The following CNGB3 variants were observed in gnomAD, a reference collection of about 807,000 sequenced individuals.
The protein encoded by CNGB3 is cyclic nucleotide gated channel subunit beta 3.
CNGB3 carries 86 observed loss-of-function variants against 92.8 expected under a neutral mutation model. The observed-to-expected ratio is 0.93, with a 90% CI of 0.78 to 1.11. CNGB3 has a LOEUF of 1.11. CNGB3 is among the 50% of genes least tolerant of loss of function. The probability of loss-of-function intolerance (pLI) is 0.00; values close to 1 mark genes in which losing one functional copy is unlikely to be tolerated. For missense variants in CNGB3, 1,026 were observed against 956.8 expected (o/e 1.07, Z -0.95); for synonymous variants, 333 against 332.7 (o/e 1.00, Z -0.01).
chr8:86,718,298 A>G (rs1824902439), intron 3 of CNGB3, among the ~76,000 whole-genome samples: 1 of 152,196 alleles, frequency 6.6e-6, no homozygotes, highest in African/African-American at 2.4e-5. Context: ...AGACAAGAGA[A>G]GATTCAAACA....
At chr8:86,644,811 C>A in intron 8 of CNGB3, 125 bp from the exon 9 acceptor site, 1 of 649,018 alleles carries the variant, frequency 1.5e-6, no homozygotes, top group Non-Finnish European at 2.1e-6. Flanking sequence ...TTAAAAAAAC[C>A]AAGATCCTGT....
intron 3 of CNGB3, among the ~76,000 whole-genome samples, chr8:86,674,377 A>G (rs1215768770): frequency 1.3e-5 from 2 of 152,208 alleles, no homozygotes; most frequent in Non-Finnish European, 2.9e-5. Context: ...TTTAACTACT[A>G]TGCATTTTTG....
Position 86,660,459 on chromosome 8 carries a change from T to C in CNGB3, c.853-6397A>G, listed in dbSNP as rs115874178. 3,424 of 513,054 alleles carry C rather than the reference T, an allele frequency of 6.7e-3. 92 individuals are homozygous for C. The highest frequency in any genetic ancestry group is 0.061 in the African/African-American group (3,148 of 51,672). The allele number at this position is 513,054 out of a possible 1,614,324, so 31.8% of individuals were successfully genotyped here. A position where few individuals can be genotyped will look rare whatever the true frequency, so the allele number is the denominator to read the frequency against. ...TGTGGTCTCAATGCTCCAAGCCCAT[T>C]GGTCAATGAGAAAGATGAAAGGGAA... On this transcript the variant is annotated intron_variant, in intron 6 of 17. Coordinates refer to ENST00000320005, the MANE Select transcript of CNGB3 (RefSeq NM_019098.5).
chr8:86,677,069 C>T (rs868257799), intron 3 of CNGB3, among the ~76,000 whole-genome samples: 3 of 152,124 alleles, frequency 2.0e-5, no homozygotes, highest in African/African-American at 7.2e-5. Flanking sequence ...TGGAGCACTA[C>T]ATTGCTAAGT....
intron 3 of CNGB3, among the ~76,000 whole-genome samples, chr8:86,674,733 T>G (rs1823930497): frequency 6.6e-6 from 1 of 152,168 alleles, no homozygotes; most frequent in Non-Finnish European, 1.5e-5. Flanking sequence ...TGGTAAACAG[T>G]AAAAATATCT....
At chr8:86,657,515 G>A (rs59109039) in intron 6 of CNGB3, 206,053 of 497,836 alleles carry the variant, frequency 0.41, 44,081 homozygotes, top group African/African-American at 0.54. Context: ...CTGTGCAGTG[G>A]GATTGTCATG....
At chr8:86,659,901 G>A in intron 6 of CNGB3, 1 of 404,624 alleles carries the variant, frequency 2.5e-6, no homozygotes, top group Non-Finnish European at 4.9e-6. Flanking sequence ...GACAAAGGAT[G>A]TAGACTCAGA....
intron 3 of CNGB3, among the ~76,000 whole-genome samples, chr8:86,711,963 A>T (rs145018237): frequency 6.6e-6 from 1 of 151,936 alleles, no homozygotes; most frequent in Non-Finnish European, 1.5e-5. Flanking sequence ...CACTGTTTTG[A>T]GTACCAGGAT....
At chr8:86,680,096 A>C (rs1169279043) in intron 3 of CNGB3, among the ~76,000 whole-genome samples, 2 of 152,242 alleles carry the variant, frequency 1.3e-5, no homozygotes, top group Non-Finnish European at 2.9e-5. Context: ...CAAGTGGACT[A>C]ACCTGGAATA....
At position 86,611,577 on chromosome 8, in the gene CNGB3, C is replaced by A. The variant is rs1156796248; in HGVS notation, c.1662+11G>T. 6.3e-7 allele frequency: 1 copy of A among 1,599,236 alleles called. No individual in the cohort carries two copies. Among genetic ancestry groups the A allele is most frequent in the Non-Finnish European group, 8.6e-7 (1 of 1,166,618 alleles). ...TATTAGTTGTGCATTTGAAAAATAG[C>A]ATGCACTCACCTTTTTGCAGACAAA... On this transcript the variant is annotated intron_variant, in intron 14 of 17. Coordinates refer to ENST00000320005, the MANE Select transcript of CNGB3 (RefSeq NM_019098.5).
chr8:86,655,472 G>A (rs1823487191), intron 6 of CNGB3, among the ~76,000 whole-genome samples: 1 of 152,178 alleles, frequency 6.6e-6, no homozygotes, highest in African/African-American at 2.4e-5. Context: ...TGCCCATGCT[G>A]TCCCAGAGCT....
intron 3 of CNGB3, 83 bp downstream of exon 3, chr8:86,726,448 A>C: frequency 6.4e-7 from 1 of 1,574,540 alleles, no homozygotes; most frequent in Non-Finnish European, 8.7e-7. Context: ...TATTCAGCTA[A>C]AGGGGAGAGT....
chr8:86,720,829 T>G (rs1824953993), intron 3 of CNGB3, among the ~76,000 whole-genome samples: 1 of 123,358 alleles, frequency 8.1e-6, no homozygotes, highest in Non-Finnish European at 1.6e-5. Flanking sequence ...TATATATATA[T>G]ATATATGTAT....
chr8:86,732,634 C>G (rs1345281789), intron 2 of CNGB3, among the ~76,000 whole-genome samples: 1 of 152,182 alleles, frequency 6.6e-6, no homozygotes, highest in East Asian at 1.9e-4. Flanking sequence ...TGAAGGTGTC[C>G]TGATTATGTC....
intron 15 of CNGB3, among the ~76,000 whole-genome samples, chr8:86,593,105 C>A (rs905230616): frequency 6.6e-6 from 1 of 152,136 alleles, no homozygotes; most frequent in African/African-American, 2.4e-5. Context: ...GGAATGTCTG[C>A]ACATACAGAT....
chr8:86,672,544 G>T (rs1823881488), intron 3 of CNGB3, among the ~76,000 whole-genome samples: 1 of 151,976 alleles, frequency 6.6e-6, no homozygotes, highest in African/African-American at 2.4e-5. Flanking sequence ...TCTGACATTG[G>T]GTCTACATGA....
chr8:86,644,593 T>TC, intron 9 of CNGB3, 29 bp downstream of exon 9: 1 of 1,597,504 alleles, frequency 6.3e-7, no homozygotes. Context: ...TTTTTCCCCT[T>TC]CCCCCAAGTA....
chr8:86,682,804 A>T (rs1190791544), intron 3 of CNGB3, among the ~76,000 whole-genome samples: 1 of 152,156 alleles, frequency 6.6e-6, no homozygotes, highest in African/African-American at 2.4e-5. Flanking sequence ...AAATCAGAGT[A>T]GGGAAGGGGG....
chr8:86,576,525 A>G (rs1458132718), intron 17 of CNGB3, among the ~76,000 whole-genome samples: 1 of 152,198 alleles, frequency 6.6e-6, no homozygotes, highest in African/African-American at 2.4e-5. Flanking sequence ...AATACTATAT[A>G]AAAATACTGT....
Sources: gnomAD v4.1 joint callset for allele counts (sites outside exome capture counted in the v4.1 genomes callset) on GRCh38, gnomAD v4.1.1 for gene constraint, MANE v1.5 for transcripts, NCBI Gene and HGNC (gene_info 2026-07-23, HGNC 2026-07-21) for gene names.